Variants in FBRSL1 observed in about 807,000 individuals in gnomAD.
The protein encoded by FBRSL1 is fibrosin-1-like protein.
In FBRSL1, 51 loss-of-function variants were observed where a neutral mutation model predicts 89.6. That is an observed-to-expected ratio of 0.57 (90% CI 0.45 to 0.72). FBRSL1 has a LOEUF of 0.72. Among genes scored for constraint, FBRSL1 ranks in the 30% least tolerant of loss-of-function variants. The pLI, the probability that FBRSL1 is intolerant of heterozygous loss-of-function variation, is 0.00. For missense variants in FBRSL1, 1,618 were observed against 1,451.8 expected, an observed-to-expected ratio of 1.11 and a Z score of -1.86; for synonymous variants, 779 against 681.1, an observed-to-expected ratio of 1.14 and a Z score of -2.24.
At chr12:132,534,644 C>T (rs1034678306) in intron 4 of FBRSL1, among the ~76,000 whole-genome samples, 1 of 152,272 alleles carries the variant, frequency 6.6e-6, no homozygotes, top group Non-Finnish European at 1.5e-5. Flanking sequence ...GTGGCTCCTC[C>T]ATGCTGCACT....
At chr12:132,540,771 G>C (rs887273112) in intron 4 of FBRSL1, among the ~76,000 whole-genome samples, 27 of 152,010 alleles carry the variant, frequency 1.8e-4, no homozygotes, top group African/African-American at 6.5e-4. Flanking sequence ...GCCCCTCCCC[G>C]ATGGCAGGAG....
Position 132,585,074 on chromosome 12 carries a change from T to C in FBRSL1, c.*1296T>C, listed in dbSNP as rs575980089. ...CCTTCGGGGTCAGCCGTCGAGCCAC[T>C]TGCTTTGCTCAGTTCTGTGTTTCAG... On this transcript the variant is annotated 3_prime_UTR_variant, in exon 19 of 19. Coordinates refer to ENST00000680143, the MANE Select transcript of FBRSL1 (RefSeq NM_001367871.1). 2 of 152,262 alleles carry C rather than the reference T, an allele frequency of 1.3e-5. No individual in the cohort carries two copies. Among genetic ancestry groups the C allele is most frequent in the Admixed American group, 1.3e-4 (2 of 15,304 alleles). The allele number at this position is 152,262 out of a possible 1,614,324, so 9.4% of individuals were successfully genotyped here.
chr12:132,542,879 G>A (rs925945148), intron 4 of FBRSL1, among the ~76,000 whole-genome samples: 14 of 152,242 alleles, frequency 9.2e-5, no homozygotes, highest in African/African-American at 3.4e-4. Context: ...GGGAAGGGGA[G>A]GCATGTGTTC....
rs1025575995 is a variant in FBRSL1, at chr12:132,542,732, G to A, written c.616-5271G>A. ...TATCTCCTCCCCACCCTGCCTGGTCGGGGCCAGACACTGAGGGACCCCTGG... is the reference window on the plus strand; with the variant it reads ...TATCTCCTCCCCACCCTGCCTGGTCAGGGCCAGACACTGAGGGACCCCTGG... On this transcript the variant is annotated intron_variant, in intron 4 of 18. Transcript: ENST00000680143. 5.3e-5 allele frequency among the ~76,000 whole-genome samples: 8 copies of A among 152,256 alleles called. No homozygotes were observed. The South Asian group carries it at 1.0e-3, about 20-fold the overall frequency.
rs536874050 is a variant in FBRSL1 at position 132,497,381 on chromosome 12, A to C, written c.291+6520A>C. ...GGAGGGCCCTCTAAGTAGGAGGACC[A>C]CAGAGCTGGCCCAAGGTCCCAGGGC... On this transcript the variant is annotated intron_variant, in intron 1 of 18. Transcript: ENST00000680143. Among the ~76,000 whole-genome samples the C allele has an allele frequency of 3.3e-5, 5 of 152,082 alleles. No individual in the cohort carries two copies. In the South Asian group the frequency reaches 6.2e-4, roughly 19 times the overall value.
intron 5 of FBRSL1, among the ~76,000 whole-genome samples, chr12:132,556,811 ACCC>A (rs561281310): frequency 6.1e-4 from 38 of 62,358 alleles, no homozygotes; most frequent in African/African-American, 2.6e-3. Context: ...ACCCCCCTCC[ACCC>A]ACCCCTGTCC....
At chr12:132,518,603 C>T (rs1298992135) in intron 2 of FBRSL1, among the ~76,000 whole-genome samples, 3 of 151,590 alleles carry the variant, frequency 2.0e-5, no homozygotes, top group Non-Finnish European at 4.4e-5. Context: ...TCTGTCCATC[C>T]ATCCACCCGT....
rs116781875 is a variant in FBRSL1, at chr12:132,523,465, C to T, written c.490-2269C>T. On this transcript the variant is annotated intron_variant, in intron 2 of 18. Transcript: ENST00000680143. ...GAGCCCCTCTGTGGCATGGGGGTGA[C>T]GCGTTCCATCTGCGCCCAGCCCTGA... Among the ~76,000 whole-genome samples the T allele has an allele frequency of 5.8e-4, 88 of 152,130 alleles. 1 individual carries two copies. The East Asian group carries it at 0.012, about 22-fold the overall frequency.
At chr12:132,503,642 C>A (rs890387761) in intron 1 of FBRSL1, among the ~76,000 whole-genome samples, 1 of 152,226 alleles carries the variant, frequency 6.6e-6, no homozygotes, top group Admixed American at 6.5e-5. Flanking sequence ...TTCTGTTCAG[C>A]TTTTGACCCA....
At chr12:132,518,683 CT>C (rs1372601972) in intron 2 of FBRSL1, among the ~76,000 whole-genome samples, 1 of 149,860 alleles carries the variant, frequency 6.7e-6, no homozygotes, top group Non-Finnish European at 1.5e-5. Context: ...CCCATCTGTC[CT>C]TCCATCCACC....
At chr12:132,529,340 G>A (rs2036061642) in intron 4 of FBRSL1, among the ~76,000 whole-genome samples, 1 of 152,216 alleles carries the variant, frequency 6.6e-6, no homozygotes, top group Non-Finnish European at 1.5e-5. Context: ...AAGCGGCAAG[G>A]GAGCGGCATG....
intron 15 of FBRSL1, among the ~76,000 whole-genome samples, chr12:132,580,591 T>C (rs1165207569): frequency 6.6e-6 from 1 of 152,206 alleles, no homozygotes; most frequent in Non-Finnish European, 1.5e-5. Context: ...TGTGTTTTCG[T>C]AGCATGGGGC....
At chr12:132,516,436 C>T (rs1203685055) in intron 2 of FBRSL1, among the ~76,000 whole-genome samples, 4 of 152,118 alleles carry the variant, frequency 2.6e-5, no homozygotes, top group Non-Finnish European at 5.9e-5. Flanking sequence ...CCACCCACCT[C>T]GGCCTCCCAA....
At chr12:132,528,461 A>G (rs2035982694) in intron 4 of FBRSL1, among the ~76,000 whole-genome samples, 1 of 152,038 alleles carries the variant, frequency 6.6e-6, no homozygotes, top group Admixed American at 6.5e-5. Flanking sequence ...CACCCCGGAC[A>G]GAAAGGCCTG....
At chr12:132,557,364 T>A (rs1006282500) in intron 5 of FBRSL1, among the ~76,000 whole-genome samples, 1 of 152,242 alleles carries the variant, frequency 6.6e-6, no homozygotes, top group African/African-American at 2.4e-5. Flanking sequence ...CTCCGCTTCC[T>A]TCTAGACTTC....
At chr12:132,527,067 G>C (rs1466202678) in intron 3 of FBRSL1, among the ~76,000 whole-genome samples, 4 of 152,134 alleles carry the variant, frequency 2.6e-5, no homozygotes, top group African/African-American at 9.7e-5. Context: ...CCTGATGTCT[G>C]AGGGGCCCCC....
intron 2 of FBRSL1, among the ~76,000 whole-genome samples, chr12:132,520,618 A>C (rs1292575394): frequency 1.3e-5 from 2 of 152,168 alleles, no homozygotes; most frequent in Non-Finnish European, 2.9e-5. Flanking sequence ...AGCCCCCAGG[A>C]GGTAGCAGCA....
intron 2 of FBRSL1, chr12:132,510,421 C>T: frequency 2.4e-6 from 3 of 1,232,100 alleles, no homozygotes; most frequent in Non-Finnish European, 3.0e-6. Flanking sequence ...GCCCGTCAGG[C>T]CCCATCTGTG....
At chr12:132,552,015 G>A (rs1300520889) in intron 5 of FBRSL1, 2 of 264,464 alleles carry the variant, frequency 7.6e-6, no homozygotes, top group African/African-American at 2.2e-5. Context: ...GCACCGGCCT[G>A]GAAGGGGCAG....
Sources: gnomAD v4.1 joint callset for allele counts (sites outside exome capture counted in the v4.1 genomes callset) on GRCh38, gnomAD v4.1.1 for gene constraint, MANE v1.5 for transcripts, NCBI Gene and HGNC (gene_info 2026-07-23, HGNC 2026-07-21) for gene names.